Variants in CCDC178 observed in about 807,000 individuals in gnomAD.
CCDC178 encodes coiled-coil domain containing 178.
In CCDC178, 126 loss-of-function variants were observed where a neutral mutation model predicts 117.4. That is an observed-to-expected ratio of 1.07 (90% confidence interval 0.93 to 1.24). The LOEUF (loss-of-function observed/expected upper bound fraction) is 1.24, where lower values mean the gene tolerates loss of function less well. CCDC178 is among the 50% of genes most tolerant of loss of function. The probability of loss-of-function intolerance (pLI) is 0.00; values close to 1 mark genes in which losing one functional copy is unlikely to be tolerated. For missense variants in CCDC178, 1,030 were observed against 986.9 expected (o/e 1.04, Z -0.59); for synonymous variants, 283 against 313.4 (o/e 0.90, Z 1.02).
chr18:33,383,406 T>C (rs1312330359), intron 5 of CCDC178, among the ~76,000 whole-genome samples: 1 of 151,672 alleles, frequency 6.6e-6, no homozygotes, highest in African/African-American at 2.4e-5. Context: ...TTGACCCCCA[T>C]GCCTCCTGAC....
intron 21 of CCDC178, among the ~76,000 whole-genome samples, chr18:33,039,093 G>T (rs1404537068): frequency 1.3e-5 from 2 of 151,870 alleles, no homozygotes; most frequent in Non-Finnish European, 2.9e-5. Flanking sequence ...AGGATGTTAA[G>T]AATGAACAAA....
intron 5 of CCDC178, among the ~76,000 whole-genome samples, chr18:33,371,873 C>T (rs947933127): frequency 6.6e-6 from 1 of 151,104 alleles, no homozygotes; most frequent in African/African-American, 2.4e-5. Flanking sequence ...GCATATTGAT[C>T]TCCTATCCAA....
In CCDC178 at chr18:32,974,565, CT is replaced by C; in HGVS notation, c.2504del (p.Gln835ArgfsTer4). On this transcript the variant is annotated frameshift_variant, in exon 22 of 23. Coordinates refer to ENST00000383096, the MANE Select transcript of CCDC178 (RefSeq NM_001105528.4). LOFTEE classifies it high-confidence loss of function. ...NFQTDSQESIQKILAVQEESS... is the reference protein window; with the variant it reads ...NFQTDSQESIXKILAVQEESS... ...CACCTACCTGCACAGCTAATATTTT[CT>C]GAATACTCTCCTGAGAGTCTGTCTG... 1 of 1,613,582 alleles carries C rather than the reference CT, an allele frequency of 6.2e-7. No individual in the cohort carries two copies. The highest frequency in any genetic ancestry group is 8.5e-7 in the Non-Finnish European group (1 of 1,179,750).
intron 21 of CCDC178, among the ~76,000 whole-genome samples, chr18:33,076,219 G>T (rs2057204893): frequency 6.6e-6 from 1 of 152,172 alleles, no homozygotes; most frequent in Non-Finnish European, 1.5e-5. Context: ...TGCTGGTGGT[G>T]CTCAGTCCCG....
chr18:33,422,273 C>T (rs1055389376), intron 2 of CCDC178, among the ~76,000 whole-genome samples: 2 of 151,970 alleles, frequency 1.3e-5, no homozygotes, highest in Non-Finnish European at 2.9e-5. Context: ...CTTTTTTTCC[C>T]CAATATTATG....
At chr18:33,432,942 G>C (rs2064241452) in intron 2 of CCDC178, among the ~76,000 whole-genome samples, 2 of 152,178 alleles carry the variant, frequency 1.3e-5, no homozygotes, top group Non-Finnish European at 1.5e-5. Flanking sequence ...CTTTGTAAGA[G>C]AGACTGATAT....
chr18:33,009,193 T>C (rs1389493915), intron 21 of CCDC178, among the ~76,000 whole-genome samples: 3 of 152,092 alleles, frequency 2.0e-5, no homozygotes, highest in Admixed American at 1.3e-4. Context: ...AAATCTCTTA[T>C]CTGGATTATT....
chr18:33,004,409 T>C (rs774826136), intron 21 of CCDC178, among the ~76,000 whole-genome samples: 125 of 152,136 alleles, frequency 8.2e-4, no homozygotes, highest in Non-Finnish European at 1.3e-3. Context: ...CAATAAATGA[T>C]GATGGGAAAA....
intron 18 of CCDC178, among the ~76,000 whole-genome samples, chr18:33,215,897 A>T (rs2059160033): frequency 6.6e-6 from 1 of 151,970 alleles, no homozygotes; most frequent in Non-Finnish European, 1.5e-5. Flanking sequence ...GGAGTTCAAG[A>T]CCAACCTGGA....
chr18:33,380,350 T>C (rs2063425728), intron 5 of CCDC178, among the ~76,000 whole-genome samples: 1 of 152,220 alleles, frequency 6.6e-6, no homozygotes, highest in Non-Finnish European at 1.5e-5. Flanking sequence ...ATTTCTGGTC[T>C]GAGACTAACG....
intron 14 of CCDC178, among the ~76,000 whole-genome samples, chr18:33,259,300 A>G (rs904484288): frequency 6.6e-6 from 1 of 152,182 alleles, no homozygotes; most frequent in African/African-American, 2.4e-5. Flanking sequence ...GCAGTGCAGA[A>G]GCTCCTGCTA....
intron 20 of CCDC178, among the ~76,000 whole-genome samples, chr18:33,205,925 C>A (rs1483058253): frequency 7.2e-5 from 11 of 152,174 alleles, no homozygotes; most frequent in Non-Finnish European, 1.6e-4. Flanking sequence ...AACTCCTGGG[C>A]TCAAGTGATC....
At chr18:33,250,079 C>T (rs1415530313) in intron 14 of CCDC178, among the ~76,000 whole-genome samples, 4 of 151,378 alleles carry the variant, frequency 2.6e-5, no homozygotes, top group Non-Finnish European at 5.9e-5. Flanking sequence ...ATTAAAATAA[C>T]TATTAAAGAA....
At chr18:33,262,306 T>C (rs1363609943) in intron 14 of CCDC178, among the ~76,000 whole-genome samples, 1 of 152,202 alleles carries the variant, frequency 6.6e-6, no homozygotes, top group Non-Finnish European at 1.5e-5. Flanking sequence ...ATCAAAATGA[T>C]TTCCAGATAC....
chr18:33,069,843 T>C (rs1164953300), intron 21 of CCDC178, among the ~76,000 whole-genome samples: 7 of 151,528 alleles, frequency 4.6e-5, no homozygotes, highest in Non-Finnish European at 1.5e-5. Flanking sequence ...AAACAAATAA[T>C]CCACTTAAAA....
At chr18:32,984,807 T>A (rs1044517240) in intron 21 of CCDC178, among the ~76,000 whole-genome samples, 2 of 152,014 alleles carry the variant, frequency 1.3e-5, no homozygotes, top group African/African-American at 4.8e-5. Flanking sequence ...TATGAAAGAT[T>A]ACACTGTCAA....
intron 7 of CCDC178, among the ~76,000 whole-genome samples, chr18:33,354,879 G>T (rs904805537): frequency 2.0e-5 from 3 of 151,976 alleles, no homozygotes; most frequent in African/African-American, 7.3e-5. Flanking sequence ...CAAAGTGTTG[G>T]GATTACAGGC....
At chr18:33,312,489 C>G (rs1392416234) in intron 11 of CCDC178, among the ~76,000 whole-genome samples, 1 of 152,210 alleles carries the variant, frequency 6.6e-6, no homozygotes, top group East Asian at 1.9e-4. Context: ...CCCTACCCAA[C>G]ATAAGCAAAC....
chr18:33,301,252 G>A (rs1011434966), intron 11 of CCDC178, among the ~76,000 whole-genome samples: 4 of 152,224 alleles, frequency 2.6e-5, no homozygotes, highest in Non-Finnish European at 4.4e-5. Context: ...GAATGCAAGC[G>A]TGAAGGAAGG....
Sources: gnomAD v4.1 joint callset for allele counts (sites outside exome capture counted in the v4.1 genomes callset) on GRCh38, gnomAD v4.1.1 for gene constraint, MANE v1.5 for transcripts, NCBI Gene and HGNC (gene_info 2026-07-23, HGNC 2026-07-21) for gene names.